The following PPP6R3 variants were observed in gnomAD, a reference collection of about 807,000 sequenced individuals.
PPP6R3 encodes protein phosphatase 6 regulatory subunit 3, also known as serine/threonine-protein phosphatase 6 regulatory subunit 3.
PPP6R3 carries 38 observed loss-of-function variants against 110.7 expected under a neutral mutation model. The ratio of observed to expected loss-of-function variants is 0.34; its 90% CI spans 0.26 to 0.45. PPP6R3 has a LOEUF of 0.45. Ranked by LOEUF, PPP6R3 falls within the 20% of genes least tolerant of loss-of-function variation. The pLI is 1.00. For missense variants in PPP6R3, 870 were observed against 1,062.4 expected, an observed-to-expected ratio of 0.82 and a Z score of 2.52; for synonymous variants, 369 against 373.5, an observed-to-expected ratio of 0.99 and a Z score of 0.14.
At chr11:68,499,563 G>C (rs1377460658) in intron 1 of PPP6R3, among the ~76,000 whole-genome samples, 3 of 151,944 alleles carry the variant, frequency 2.0e-5, no homozygotes, top group Non-Finnish European at 4.4e-5. Context: ...TTAGAAGAGA[G>C]GCACATTGTG....
At chr11:68,582,112 G>A (rs1056173183) in intron 14 of PPP6R3, among the ~76,000 whole-genome samples, 2 of 152,210 alleles carry the variant, frequency 1.3e-5, no homozygotes, top group Non-Finnish European at 2.9e-5. Flanking sequence ...GAGTTGGCAG[G>A]TAGCAGCAGC....
At chr11:68,580,245 CCAAA>C (rs1165391463) in intron 14 of PPP6R3, among the ~76,000 whole-genome samples, 1 of 152,084 alleles carries the variant, frequency 6.6e-6, no homozygotes, top group Non-Finnish European at 1.5e-5. Context: ...CAGAAAGGCG[CCAAA>C]CAGCCAGATT....
At chr11:68,481,153 A>T (rs1305353420) in intron 1 of PPP6R3, among the ~76,000 whole-genome samples, 1 of 152,286 alleles carries the variant, frequency 6.6e-6, no homozygotes, top group Non-Finnish European at 1.5e-5. Flanking sequence ...TTTTATACAT[A>T]AAAAAATATT....
chr11:68,541,772 G>A (rs1430785002), intron 3 of PPP6R3, among the ~76,000 whole-genome samples: 2 of 152,124 alleles, frequency 1.3e-5, no homozygotes, highest in Non-Finnish European at 2.9e-5. Flanking sequence ...TTGGATGCAA[G>A]AGGAGAACCT....
rs1566209376 is a variant in PPP6R3, at chr11:68,609,924, C to T, written c.2471C>T (p.Thr824Ile). The change falls in exon 23 of 24, where the codon ACC (threonine) becomes ATC (isoleucine). Residue 824 changes from threonine (T) to isoleucine (I), a missense_variant. Physicochemically the swap from Thr to Ile is moderately conservative, Grantham distance 89. Transcript: ENST00000393800. ...TGCAGTGAGGAAGGGAAACTGTCTA[C>T]CTCTCAAGATGCTGCTTGTAAAGAC... ...VFKSEEGKLS[T>I]SQDAACKDAE... 1 of 1,614,144 alleles carries T rather than the reference C, an allele frequency of 6.2e-7. No homozygotes were observed. The highest frequency in any genetic ancestry group is 2.2e-5 in the East Asian group (1 of 44,882).
intron 2 of PPP6R3, among the ~76,000 whole-genome samples, chr11:68,534,334 C>T (rs975418830): frequency 2.6e-5 from 4 of 152,134 alleles, no homozygotes; most frequent in Admixed American, 6.6e-5. Context: ...CTTTGTGGGC[C>T]GCAGATGGCC....
chr11:68,541,477 T>C (rs1050667074), intron 3 of PPP6R3, among the ~76,000 whole-genome samples: 3 of 150,150 alleles, frequency 2.0e-5, no homozygotes, highest in African/African-American at 7.3e-5. Flanking sequence ...CAAGAGTGAC[T>C]ATGAGGATTT....
chr11:68,579,938 T>C (rs986632621), intron 14 of PPP6R3, among the ~76,000 whole-genome samples: 27 of 152,224 alleles, frequency 1.8e-4, no homozygotes, highest in African/African-American at 6.5e-4. Flanking sequence ...GATGACAGAA[T>C]TGCCTTTGTC....
At chr11:68,468,279 GTA>G (rs1285330459) in intron 1 of PPP6R3, among the ~76,000 whole-genome samples, 1 of 152,220 alleles carries the variant, frequency 6.6e-6, no homozygotes, top group Non-Finnish European at 1.5e-5. Context: ...TTTGGTAGTA[GTA>G]TGTGTCAGTT....
In PPP6R3 at chr11:68,502,461, C is replaced by T. The variant is rs138094429; in HGVS notation, c.-157-17040C>T. ...ATGCTCACATGGGAGTTGCAGGGGG[C>T]GCTAACCAAGAACCCAAGTAAACAG... On this transcript the variant is annotated intron_variant, in intron 1 of 23. Transcript: ENST00000393800. Among the ~76,000 whole-genome samples the T allele has an allele frequency of 2.7e-3, 405 of 152,130 alleles. 4 individuals carry two copies. Among genetic ancestry groups the T allele is most frequent in the African/African-American group, 8.5e-3 (352 of 41,502 alleles).
chr11:68,593,931 G>A (rs779597786), intron 18 of PPP6R3, among the ~76,000 whole-genome samples: 1 of 152,134 alleles, frequency 6.6e-6, no homozygotes, highest in Admixed American at 6.5e-5. Flanking sequence ...CTGGGAAGTC[G>A]AGGCTACAGG....
intron 10 of PPP6R3, among the ~76,000 whole-genome samples, chr11:68,568,974 A>G (rs1453464782): frequency 6.6e-6 from 1 of 151,868 alleles, no homozygotes; most frequent in African/African-American, 2.4e-5. Context: ...CCGTGTTAGG[A>G]TGGTCTTGAT....
chr11:68,487,542 C>T (rs2153419546), intron 1 of PPP6R3, among the ~76,000 whole-genome samples: 1 of 151,700 alleles, frequency 6.6e-6, no homozygotes, highest in East Asian at 1.9e-4. Context: ...TGCACTCCAG[C>T]CTGGGCAACA....
At chr11:68,604,712 A>G (rs981095733) in intron 22 of PPP6R3, among the ~76,000 whole-genome samples, 4 of 152,256 alleles carry the variant, frequency 2.6e-5, no homozygotes, top group African/African-American at 9.6e-5. Context: ...AATATAAGAT[A>G]TTCCAAATGT....
chr11:68,560,625 G>A (rs998033370), intron 8 of PPP6R3, among the ~76,000 whole-genome samples: 13 of 152,186 alleles, frequency 8.5e-5, no homozygotes, highest in African/African-American at 2.7e-4. Flanking sequence ...GTCTACCAAA[G>A]ATGGAAGAAC....
intron 22 of PPP6R3, among the ~76,000 whole-genome samples, chr11:68,605,380 A>G (rs1223677607): frequency 6.6e-6 from 1 of 152,164 alleles, no homozygotes; most frequent in Non-Finnish European, 1.5e-5. Context: ...GAATTATACA[A>G]AGAGACCCCC....
chr11:68,482,953 C>G (rs991757298), intron 1 of PPP6R3, among the ~76,000 whole-genome samples: 5 of 152,080 alleles, frequency 3.3e-5, no homozygotes, highest in African/African-American at 9.7e-5. Flanking sequence ...TTTTTAATAG[C>G]TGCATACTAA....
chr11:68,582,504 G>C (rs1011656626), intron 14 of PPP6R3, among the ~76,000 whole-genome samples: 6 of 152,174 alleles, frequency 3.9e-5, no homozygotes, highest in African/African-American at 1.4e-4. Context: ...TTTTGTGAGT[G>C]GGAAGCTGTC....
chr11:68,594,310 G>C (rs2099605529), intron 18 of PPP6R3, among the ~76,000 whole-genome samples: 1 of 148,602 alleles, frequency 6.7e-6, no homozygotes, highest in Non-Finnish European at 1.5e-5. Context: ...GAGAGAGAGA[G>C]AGAGAGAGAA....
Sources: allele counts gnomAD v4.1 joint callset (sites outside exome capture counted in the v4.1 genomes callset), GRCh38; gene constraint gnomAD v4.1.1; transcripts MANE v1.5; gene names NCBI Gene and HGNC (gene_info 2026-07-23, HGNC 2026-07-21).